Variants in SLC35F3 observed in about 807,000 individuals in gnomAD.
SLC35F3 encodes the protein putative thiamine transporter SLC35F3.
Under a neutral mutation model 49.9 loss-of-function variants are expected in SLC35F3, and 25 were observed. That is an observed-to-expected ratio of 0.50 (90% confidence interval 0.37 to 0.70). The LOEUF (loss-of-function observed/expected upper bound fraction) is 0.70, where lower values mean the gene tolerates loss of function less well. SLC35F3 is among the 30% of genes least tolerant of loss of function. The pLI is 0.00. For missense variants in SLC35F3, 525 were observed against 639.8 expected, an observed-to-expected ratio of 0.82 and a Z score of 1.94; for synonymous variants, 275 against 265.4, an observed-to-expected ratio of 1.04 and a Z score of -0.35.
intron 2 of SLC35F3, among the ~76,000 whole-genome samples, chr1:233,914,477 C>T (rs986231838): frequency 3.3e-5 from 5 of 152,208 alleles, no homozygotes; most frequent in Non-Finnish European, 7.3e-5. Flanking sequence ...AGCCTTCTTC[C>T]TGCTAAGTGA....
chr1:234,001,025 C>CATCTTTTCA (rs1422029553), intron 2 of SLC35F3, among the ~76,000 whole-genome samples: 1 of 152,172 alleles, frequency 6.6e-6, no homozygotes, highest in Non-Finnish European at 1.5e-5. Context: ...TTGATCCGTA[C>CATCTTTTCA]AGATGTCAGC....
At chr1:234,233,355 C>T (rs780869647) in intron 3 of SLC35F3, among the ~76,000 whole-genome samples, 9 of 152,304 alleles carry the variant, frequency 5.9e-5, no homozygotes, top group East Asian at 3.9e-4. Flanking sequence ...CTTATATGCA[C>T]GTTCTTGATC....
chr1:234,260,552 T>C (rs984087400), intron 3 of SLC35F3, among the ~76,000 whole-genome samples: 3 of 152,114 alleles, frequency 2.0e-5, no homozygotes, highest in East Asian at 1.9e-4. Flanking sequence ...TCCTCCTTCT[T>C]TGAGTTTTGA....
intron 6 of SLC35F3, among the ~76,000 whole-genome samples, chr1:234,319,338 A>G (rs1051733299): frequency 6.6e-6 from 1 of 152,208 alleles, no homozygotes; most frequent in Non-Finnish European, 1.5e-5. Flanking sequence ...CATTGTCTCC[A>G]TTACTTGATA....
chr1:233,923,288 T>C (rs1211856077), intron 2 of SLC35F3, among the ~76,000 whole-genome samples: 1 of 152,224 alleles, frequency 6.6e-6, no homozygotes, highest in Non-Finnish European at 1.5e-5. Context: ...GAGCATGGAA[T>C]GTTCTTCCAT....
At chr1:234,011,540 GC>G (rs1190017424) in intron 2 of SLC35F3, among the ~76,000 whole-genome samples, 1 of 152,142 alleles carries the variant, frequency 6.6e-6, no homozygotes, top group Non-Finnish European at 1.5e-5. Context: ...CCATCACATT[GC>G]AAGGCATACT....
intron 2 of SLC35F3, among the ~76,000 whole-genome samples, chr1:233,971,674 C>T (rs918727083): frequency 1.5e-4 from 22 of 149,428 alleles, no homozygotes; most frequent in Middle Eastern, 3.5e-3. Flanking sequence ...GCCGAGATCA[C>T]GCCACTGCAC....
intron 3 of SLC35F3, among the ~76,000 whole-genome samples, chr1:234,285,984 T>G (rs887806663): frequency 2.6e-5 from 4 of 152,218 alleles, no homozygotes. Context: ...GTCCATCACC[T>G]TGTCTGGTTC....
chr1:234,074,668 A>G (rs1233175464), intron 2 of SLC35F3, among the ~76,000 whole-genome samples: 1 of 152,214 alleles, frequency 6.6e-6, no homozygotes, highest in Non-Finnish European at 1.5e-5. Flanking sequence ...GCAGAAGGTG[A>G]TCTTTTCTCA....
chr1:233,986,046 C>A (rs1217287187), intron 2 of SLC35F3, among the ~76,000 whole-genome samples: 12 of 152,074 alleles, frequency 7.9e-5, no homozygotes, highest in African/African-American at 2.9e-4. Flanking sequence ...GACCTTAGTA[C>A]CCTGATCTTA....
chr1:233,938,643 T>C (rs2102797604), intron 2 of SLC35F3, among the ~76,000 whole-genome samples: 1 of 151,000 alleles, frequency 6.6e-6, no homozygotes, highest in African/African-American at 2.4e-5. Context: ...GATGGATGGA[T>C]GGATGGAAGG....
At chr1:234,011,888 A>G (rs1663725996) in intron 2 of SLC35F3, among the ~76,000 whole-genome samples, 1 of 152,176 alleles carries the variant, frequency 6.6e-6, no homozygotes, top group Non-Finnish European at 1.5e-5. Flanking sequence ...GAAATAAGAC[A>G]CAGAGACAAA....
At chr1:233,956,834 C>G (rs1198869029) in intron 2 of SLC35F3, among the ~76,000 whole-genome samples, 1 of 152,196 alleles carries the variant, frequency 6.6e-6, no homozygotes, top group Non-Finnish European at 1.5e-5. Flanking sequence ...GAAGCTGAAC[C>G]CTAAACTCCT....
intron 2 of SLC35F3, among the ~76,000 whole-genome samples, chr1:234,186,316 GA>G (rs1429746497): frequency 6.6e-6 from 1 of 152,226 alleles, no homozygotes; most frequent in African/African-American, 2.4e-5. Flanking sequence ...TGGCTGTCAA[GA>G]CCAAGTGAAC....
intron 2 of SLC35F3, among the ~76,000 whole-genome samples, chr1:234,098,587 GGTA>G (rs1665163816): frequency 1.3e-5 from 2 of 151,554 alleles, no homozygotes; most frequent in African/African-American, 4.9e-5. Context: ...AGATGGCGGT[GGTA>G]GTGACAGTGT....
intron 2 of SLC35F3, among the ~76,000 whole-genome samples, chr1:234,003,350 G>A (rs1663581353): frequency 6.6e-6 from 1 of 152,168 alleles, no homozygotes; most frequent in Non-Finnish European, 1.5e-5. Flanking sequence ...CAGTGGAAGA[G>A]CAGAGGACTC....
intron 2 of SLC35F3, among the ~76,000 whole-genome samples, chr1:234,047,351 A>G (rs1664306260): frequency 1.3e-5 from 2 of 152,198 alleles, no homozygotes; most frequent in African/African-American, 4.8e-5. Flanking sequence ...GTAAACTAAC[A>G]GTAGACTGAG....
At chr1:233,941,651 G>A (rs1662422636) in intron 2 of SLC35F3, among the ~76,000 whole-genome samples, 2 of 152,282 alleles carry the variant, frequency 1.3e-5, no homozygotes, top group East Asian at 1.9e-4. Context: ...ATAACTCCCC[G>A]ATGATCAGGG....
chr1:234,232,519 CAAAAAAAAAAAAAAAAAAA>C (rs536692686), intron 3 of SLC35F3, among the ~76,000 whole-genome samples: 1 of 72,362 alleles, frequency 1.4e-5, no homozygotes, highest in African/African-American at 5.5e-5. Context: ...CAGGCCTAGT[CAAAAAAAAAAAAAAAAAAA>C]AAGAAAAAGA....
Sources: gnomAD v4.1 joint callset for allele counts (sites outside exome capture counted in the v4.1 genomes callset) on GRCh38, gnomAD v4.1.1 for gene constraint, MANE v1.5 for transcripts, NCBI Gene and HGNC (gene_info 2026-07-23, HGNC 2026-07-21) for gene names.